FBXO25: variants seen among roughly 807,000 people sequenced by gnomAD.
The protein encoded by FBXO25 is F-box only protein 25.
A neutral mutation model predicts 51.9 loss-of-function variants in FBXO25; 45 were observed. The ratio of observed to expected loss-of-function variants is 0.87; its 90% CI spans 0.68 to 1.11. The LOEUF (loss-of-function observed/expected upper bound fraction) is 1.11, where lower values mean the gene tolerates loss of function less well. FBXO25 is among the 50% of genes most tolerant of loss of function. The probability of loss-of-function intolerance (pLI) is 0.00; values close to 1 mark genes in which losing one functional copy is unlikely to be tolerated. For missense variants in FBXO25, 507 were observed against 428.5 expected (o/e 1.18, Z -1.62); for synonymous variants, 199 against 151.0 (o/e 1.32, Z -2.33).
chr8:429,609 C>T (rs879707352), intron 2 of FBXO25, among the ~76,000 whole-genome samples: 4 of 152,220 alleles, frequency 2.6e-5, no homozygotes, highest in Admixed American at 1.3e-4. Context: ...TCTTTCTTCT[C>T]TACTTGTACA....
rs148503218 is a variant in FBXO25 at position 451,383 on chromosome 8, A to G, written c.590A>G (p.Asn197Ser). The G allele has an allele frequency of 1.5e-5, 24 of 1,613,944 alleles. No homozygotes were observed. The highest frequency in any genetic ancestry group is 1.9e-5 in the Non-Finnish European group (22 of 1,179,982). The change falls in exon 7 of 10, where the codon AAT becomes AGT. Residue 197 changes from asparagine to serine, a missense_variant. Physicochemically the swap from Asn to Ser is conservative, Grantham distance 46. Coordinates refer to ENST00000350302, the MANE Select transcript of FBXO25 (RefSeq NM_183420.2). ...VGKSVLVGNI[N>S]IWICRLETIL... is the part of the protein sequence containing the mutation. Reference sequence around the variant, plus strand: ...AAGTCTGTATTAGTGGGAAACATCAATATTTGGATTTGCCGATTAGAAACT... The same window carrying G: ...AAGTCTGTATTAGTGGGAAACATCAGTATTTGGATTTGCCGATTAGAAACT...
intron 8 of FBXO25, among the ~76,000 whole-genome samples, chr8:462,776 A>G (rs1370322879): frequency 6.6e-6 from 1 of 152,162 alleles, no homozygotes; most frequent in Non-Finnish European, 1.5e-5. Flanking sequence ...GTGAGGGATG[A>G]AACACTACAT....
intron 8 of FBXO25, among the ~76,000 whole-genome samples, chr8:461,111 A>G (rs1314551638): frequency 6.6e-6 from 1 of 152,194 alleles, no homozygotes; most frequent in Non-Finnish European, 1.5e-5. Flanking sequence ...TATGCACTCA[A>G]ACATACACAT....
In FBXO25 at chr8:472,299, A is replaced by C. The variant is rs370032198; in HGVS notation, c.*3495A>C. The C allele has an allele frequency of 2.0e-5, 3 of 152,336 alleles. No individual in the cohort carries two copies. In the East Asian group the frequency reaches 5.8e-4, roughly 29 times the overall value. The allele number at this position is 152,336 out of a possible 1,614,324, so 9.4% of individuals were successfully genotyped here. ...GGATTTTGTCAAATGCTTTTTCTGC[A>C]TCTCTTAAGATAATGTAGTTTTTGG... On this transcript the variant is annotated 3_prime_UTR_variant, in exon 10 of 10. Coordinates refer to ENST00000350302, the MANE Select transcript of FBXO25 (RefSeq NM_183420.2).
intron 9 of FBXO25, 71 bp downstream of exon 9, chr8:463,221 T>G (rs1199863586): frequency 6.6e-7 from 1 of 1,521,524 alleles, no homozygotes; most frequent in African/African-American, 1.4e-5. Context: ...ACCTATATTT[T>G]AAGTATAAGA....
rs553082064 is a variant in FBXO25 at position 438,932 on chromosome 8, C to A, written c.381+3225C>A. On this transcript the variant is annotated intron_variant, in intron 5 of 9. Coordinates refer to ENST00000350302, the MANE Select transcript of FBXO25 (RefSeq NM_183420.2). ...TGTCTGCGTCCCCATCCCAGTTGAG[C>A]CCCAGGAGCAGGGGCTTGGTTTGTT... Among the ~76,000 whole-genome samples the A allele has an allele frequency of 4.2e-4, 64 of 152,262 alleles. 1 individual carries two copies. The highest frequency in any genetic ancestry group is 1.5e-3 in the African/African-American group (63 of 41,540).
In FBXO25 at chr8:473,678, C is replaced by G. The variant is rs1446292373; in HGVS notation, c.*4874C>G. 6.6e-6 allele frequency: 1 copy of G among 152,196 alleles called. No homozygotes were observed. 9.4% of individuals were successfully genotyped at this position (152,196 alleles called of 1,614,324 possible). ...CTGCTGGTGCCACAGGGGTCCTGGG[C>G]TGGCTCTTGGACCATAACCAGCGTT... On this transcript the variant is annotated 3_prime_UTR_variant, in exon 10 of 10. Transcript: ENST00000350302.
chr8:435,432 A>G, intron 4 of FBXO25, 183 bp from the exon 5 acceptor site: 1 of 740,038 alleles, frequency 1.4e-6, no homozygotes, highest in Non-Finnish European at 2.2e-6. Flanking sequence ...GTATACATAA[A>G]CAGCTTAAAT....
intron 1 of FBXO25, among the ~76,000 whole-genome samples, chr8:409,233 C>G (rs1188442047): frequency 3.3e-5 from 5 of 152,254 alleles, no homozygotes; most frequent in African/African-American, 9.6e-5. Context: ...AGTTCATGAG[C>G]TGTATAGATT....
intron 1 of FBXO25, among the ~76,000 whole-genome samples, chr8:409,462 C>G (rs898828732): frequency 1.1e-4 from 16 of 152,098 alleles, no homozygotes; most frequent in Non-Finnish European, 1.8e-4. Flanking sequence ...TCATTTTTCA[C>G]TGAGTTGCCA....
chr8:467,617 C>A (rs921584813), intron 9 of FBXO25: 1 of 1,158,648 alleles, frequency 8.6e-7, no homozygotes, highest in Non-Finnish European at 1.3e-6. Flanking sequence ...ATGAATCAAA[C>A]CTGAATGCTT....
chr8:436,945 G>A (rs3936437), intron 5 of FBXO25, among the ~76,000 whole-genome samples: 1 of 152,150 alleles, frequency 6.6e-6, no homozygotes, highest in Non-Finnish European at 1.5e-5. Flanking sequence ...GTGCCCTGCT[G>A]TCTCATCTTT....
rs919689859 is a variant in FBXO25, at chr8:469,937, C to G, written c.*1133C>G. ...ACTTCTGTGAACTGACACAAATGGC[C>G]AAGAATGCATTTATTTGTCAAATTA... On this transcript the variant is annotated 3_prime_UTR_variant, in exon 10 of 10. Transcript: ENST00000350302. 1 of 152,058 alleles carries G rather than the reference C, an allele frequency of 6.6e-6. No individual in the cohort carries two copies. Among genetic ancestry groups the G allele is most frequent in the Non-Finnish European group, 1.5e-5 (1 of 68,020 alleles). The allele number at this position is 152,058 out of a possible 1,614,324, so 9.4% of individuals were successfully genotyped here. A position where few individuals can be genotyped will look rare whatever the true frequency, so the allele number is the denominator to read the frequency against.
Position 471,829 on chromosome 8 carries a change from C to T in FBXO25, c.*3025C>T, listed in dbSNP as rs778873208. On this transcript the variant is annotated 3_prime_UTR_variant, in exon 10 of 10. Coordinates refer to ENST00000350302, the MANE Select transcript of FBXO25 (RefSeq NM_183420.2). ...ATGACGTACAGGCTCTCTGTATGCA[C>T]TGTGTGTGCGTACTGTACAGGGCTG... 1.3e-5 allele frequency: 2 copies of T among 152,254 alleles called. No individual in the cohort carries two copies. Among genetic ancestry groups the T allele is most frequent in the African/African-American group, 2.4e-5 (1 of 41,460 alleles). The allele number at this position is 152,254 out of a possible 1,614,324, so 9.4% of individuals were successfully genotyped here.
intron 2 of FBXO25, among the ~76,000 whole-genome samples, chr8:430,626 T>C (rs1797769403): frequency 1.3e-5 from 2 of 152,182 alleles, no homozygotes; most frequent in East Asian, 3.8e-4. Flanking sequence ...ACACTGAAAA[T>C]CTGTTATCAG....
At chr8:458,709 C>T (rs1452027162) in intron 8 of FBXO25, among the ~76,000 whole-genome samples, 158 bp downstream of exon 8, 4 of 152,192 alleles carry the variant, frequency 2.6e-5, no homozygotes, top group Admixed American at 2.0e-4. Context: ...GCTGTGGGTT[C>T]TCTCCTATAG....
chr8:410,413 C>A (rs1484244851), intron 1 of FBXO25, among the ~76,000 whole-genome samples: 1 of 151,346 alleles, frequency 6.6e-6, no homozygotes, highest in Admixed American at 6.6e-5. Context: ...CAATATTTTT[C>A]AGGATTATCC....
At chr8:424,318 A>G (rs58157912) in intron 2 of FBXO25, among the ~76,000 whole-genome samples, 15,878 of 152,076 alleles carry the variant, frequency 0.1, 1,030 homozygotes, top group African/African-American at 0.18. Context: ...TAGGTTGTCT[A>G]TATTCTCTGT....
At chr8:407,398 G>A in intron 1 of FBXO25, 1 of 984,106 alleles carries the variant, frequency 1.0e-6, no homozygotes, top group Non-Finnish European at 1.2e-6. Context: ...AGGGACGATG[G>A]GCCGCGGGCG....
Sources: gnomAD v4.1 joint callset for allele counts (sites outside exome capture counted in the v4.1 genomes callset) on GRCh38, gnomAD v4.1.1 for gene constraint, MANE v1.5 for transcripts, NCBI Gene and HGNC (gene_info 2026-07-23, HGNC 2026-07-21) for gene names.